The following EIPR1 variants were observed in gnomAD, a reference collection of about 807,000 sequenced individuals.
EIPR1 encodes EARP complex and GARP complex interacting protein 1, also known as EARP and GARP complex-interacting protein 1.
Under a neutral mutation model 48.1 loss-of-function variants are expected in EIPR1, and 25 were observed. That is an observed-to-expected ratio of 0.52 (90% CI 0.38 to 0.73). EIPR1 has a LOEUF of 0.73. EIPR1 is among the 30% of genes least tolerant of loss of function. The pLI, the probability that EIPR1 is intolerant of heterozygous loss-of-function variation, is 0.00. For missense variants in EIPR1, 415 were observed against 506.2 expected (o/e 0.82, Z 1.73); for synonymous variants, 204 against 201.9 (o/e 1.01, Z -0.09).
chr2:3,317,694 G>A (rs1040694994), intron 3 of EIPR1, among the ~76,000 whole-genome samples: 4 of 152,190 alleles, frequency 2.6e-5, no homozygotes, highest in Non-Finnish European at 5.9e-5. Flanking sequence ...GACTGTACTG[G>A]AGACAGAGCC....
chr2:3,337,984 A>G (rs1289699318), intron 3 of EIPR1, 33 bp downstream of exon 3: 1 of 1,570,062 alleles, frequency 6.4e-7, no homozygotes, highest in Non-Finnish European at 8.6e-7. Flanking sequence ...AGTTACCTCC[A>G]GTTAGCAAGT....
intron 3 of EIPR1, among the ~76,000 whole-genome samples, chr2:3,306,642 A>G (rs906319174): frequency 1.3e-5 from 2 of 152,248 alleles, no homozygotes; most frequent in Non-Finnish European, 2.9e-5. Context: ...AAAAGAAAAC[A>G]TTTTTAGGAA....
At chr2:3,318,723 A>C in intron 3 of EIPR1, 1 of 394,992 alleles carries the variant, frequency 2.5e-6, no homozygotes, top group South Asian at 1.9e-5. Flanking sequence ...TGTCCCGGCA[A>C]TCAGAGTTCT....
intron 3 of EIPR1, among the ~76,000 whole-genome samples, chr2:3,317,450 C>CT (rs1669346330): frequency 6.6e-6 from 1 of 152,194 alleles, no homozygotes; most frequent in East Asian, 1.9e-4. Flanking sequence ...GCATGAGGCA[C>CT]TGACCGAGCT....
intron 4 of EIPR1, among the ~76,000 whole-genome samples, chr2:3,245,409 T>C (rs1472560352): frequency 6.6e-6 from 1 of 152,160 alleles, no homozygotes; most frequent in African/African-American, 2.4e-5. Flanking sequence ...GACAGGATTT[T>C]GCCATGCTGG....
chr2:3,333,646 T>A (rs1669961663), intron 3 of EIPR1, among the ~76,000 whole-genome samples: 2 of 149,832 alleles, frequency 1.3e-5, no homozygotes, highest in Non-Finnish European at 2.9e-5. Flanking sequence ...GAGACTGAGA[T>A]GGGAGGATTG....
At chr2:3,254,945 T>C (rs1667108119) in intron 4 of EIPR1, among the ~76,000 whole-genome samples, 1 of 152,250 alleles carries the variant, frequency 6.6e-6, no homozygotes, top group Non-Finnish European at 1.5e-5. Context: ...AGTGTTACTA[T>C]TGGGGAAAAC....
At chr2:3,269,607 T>TCAATCATCA (rs1283826442) in intron 3 of EIPR1, among the ~76,000 whole-genome samples, 1 of 108,336 alleles carries the variant, frequency 9.2e-6, no homozygotes, top group African/African-American at 3.7e-5. Flanking sequence ...TCAATCGCAC[T>TCAATCATCA]CAATCATCAC....
chr2:3,251,976 C>T (rs1488213186), intron 4 of EIPR1, among the ~76,000 whole-genome samples: 1 of 152,118 alleles, frequency 6.6e-6, no homozygotes, highest in South Asian at 2.1e-4. Flanking sequence ...TTCCAGATAC[C>T]TTTACCTTAA....
chr2:3,253,782 G>A (rs977115375), intron 4 of EIPR1, among the ~76,000 whole-genome samples: 1 of 152,206 alleles, frequency 6.6e-6, no homozygotes, highest in African/African-American at 2.4e-5. Context: ...TTCAGCCTCT[G>A]CTTGTTGGAG....
At position 3,337,887 on chromosome 2, in the gene EIPR1, GC is replaced by G. The variant is rs1449105802; in HGVS notation, c.259+129del. ...ACTCACAATATCATGGCTTCTCTGT[GC>G]ATGCAACACCTTCATTAATGGCTAA... On this transcript the variant is annotated intron_variant, in intron 3 of 8. Transcript: ENST00000382125. The G allele has an allele frequency of 3.2e-6, 3 of 950,258 alleles. No homozygotes were observed. The African/African-American group carries it at 5.0e-5, about 16-fold the overall frequency. 58.9% of individuals were successfully genotyped at this position (950,258 alleles called of 1,614,324 possible).
intron 4 of EIPR1, 64 bp downstream of exon 4, chr2:3,257,235 C>A: frequency 6.5e-7 from 1 of 1,540,080 alleles, no homozygotes; most frequent in South Asian, 1.2e-5. Context: ...GGAATCTGCA[C>A]AAGCTCCTGC....
chr2:3,361,475 A>G (rs939627824), intron 1 of EIPR1, among the ~76,000 whole-genome samples: 11 of 144,260 alleles, frequency 7.6e-5, no homozygotes, highest in Admixed American at 2.8e-4. Flanking sequence ...TTCTCCTTGG[A>G]AAAAAAAAAA....
chr2:3,257,457 T>G lies in EIPR1; in HGVS notation c.260-2A>C. ...ATGTCAGGACTTTGCTGTCTGAAGC[T>G]GAGCAACAGAGCATAATGGATAATG... On this transcript the variant is annotated splice_acceptor_variant, in intron 3 of 8. Coordinates refer to ENST00000382125, the MANE Select transcript of EIPR1 (RefSeq NM_003310.5). LOFTEE classifies it high-confidence loss of function. 1 of 1,614,064 alleles carries G rather than the reference T, an allele frequency of 6.2e-7. No individual in the cohort carries two copies. The highest frequency in any genetic ancestry group is 8.5e-7 in the Non-Finnish European group (1 of 1,179,946).
At chr2:3,354,514 G>A (rs1670671562) in intron 2 of EIPR1, 36 bp downstream of exon 2, 2 of 1,581,064 alleles carry the variant, frequency 1.3e-6, no homozygotes, top group Non-Finnish European at 1.7e-6. Flanking sequence ...AATAGGCTTA[G>A]TAATTATCAT....
intron 5 of EIPR1, among the ~76,000 whole-genome samples, chr2:3,201,393 C>T (rs144320265): frequency 8.5e-5 from 13 of 152,322 alleles, no homozygotes; most frequent in Admixed American, 1.3e-4. Context: ...AAATCAGAGG[C>T]GCCTCCCACC....
Position 3,329,734 on chromosome 2 carries a change from C to T in EIPR1, c.259+8283G>A, listed in dbSNP as rs527668073. On this transcript the variant is annotated intron_variant, in intron 3 of 8. Transcript: ENST00000382125. ...GGGCTCCCCTGCATCAGGCTCTACT[C>T]GCCATGCTCTAATGATCTCAGGGTA... Among the ~76,000 whole-genome samples, 34 of 149,644 alleles carry T rather than the reference C, an allele frequency of 2.3e-4. No individual in the cohort carries two copies. The South Asian group carries it at 5.8e-3, about 25-fold the overall frequency.
intron 4 of EIPR1, among the ~76,000 whole-genome samples, chr2:3,242,165 A>G (rs1185954829): frequency 6.6e-6 from 1 of 151,308 alleles, no homozygotes. Context: ...CAGGCCCCCG[A>G]CTCCACACCA....
intron 3 of EIPR1, among the ~76,000 whole-genome samples, chr2:3,307,127 T>A (rs1462540176): frequency 2.0e-5 from 3 of 152,056 alleles, no homozygotes; most frequent in Non-Finnish European, 2.9e-5. Context: ...CACACCCTGC[T>A]AATTTTTGTA....
Sources: gnomAD v4.1 joint callset for allele counts (sites outside exome capture counted in the v4.1 genomes callset) on GRCh38, gnomAD v4.1.1 for gene constraint, MANE v1.5 for transcripts, NCBI Gene and HGNC (gene_info 2026-07-23, HGNC 2026-07-21) for gene names.